MLPH: variants seen among roughly 807,000 people sequenced by gnomAD.
MLPH encodes exophilin-3.
A neutral mutation model predicts 72.1 loss-of-function variants in MLPH; 51 were observed. The observed-to-expected ratio is 0.71, with a 90% CI of 0.56 to 0.89. The LOEUF (loss-of-function observed/expected upper bound fraction) is 0.89. Among genes scored for constraint, MLPH ranks in the 40% least tolerant of loss-of-function variants. The pLI, the probability that MLPH is intolerant of heterozygous loss-of-function variation, is 0.00. For missense variants in MLPH, 743 were observed against 759.9 expected, an observed-to-expected ratio of 0.98 and a Z score of 0.26; for synonymous variants, 301 against 310.1, an observed-to-expected ratio of 0.97 and a Z score of 0.31.
intron 12 of MLPH, chr2:237,545,387 G>C: frequency 1.7e-6 from 2 of 1,201,962 alleles, no homozygotes; most frequent in African/African-American, 1.6e-5. Context: ...TTTCCTCATA[G>C]CCAGTTAGCC....
chr2:237,539,471 C>A (rs183704710), intron 9 of MLPH, among the ~76,000 whole-genome samples: 2 of 152,352 alleles, frequency 1.3e-5, no homozygotes, highest in Non-Finnish European at 1.5e-5. Flanking sequence ...CTTTCAATCT[C>A]ATCGCCTACC....
At position 237,492,010 on chromosome 2, in the gene MLPH, G is replaced by A. The variant is rs184319842; in HGVS notation, c.-24-1393G>A. On this transcript the variant is annotated intron_variant, in intron 1 of 15. Coordinates refer to ENST00000264605, the MANE Select transcript of MLPH (RefSeq NM_024101.7). ...ACAGCATGGGCCAACACGTGCACTC[G>A]AGCTGCCTGGAGATCTTGTTCAAAG... Among the ~76,000 whole-genome samples the A allele has an allele frequency of 2.9e-4, 44 of 152,246 alleles. No homozygotes were observed. In the East Asian group the frequency reaches 7.3e-3, roughly 25 times the overall value.
intron 13 of MLPH, 25 bp downstream of exon 13, chr2:237,546,708 C>T (rs746122259): frequency 3.1e-6 from 5 of 1,599,404 alleles, no homozygotes; most frequent in African/African-American, 1.3e-5. Context: ...ATTCAAGCCC[C>T]AGACACCCGA....
chr2:237,536,657 C>T (rs1056104022), intron 9 of MLPH, among the ~76,000 whole-genome samples: 2 of 152,204 alleles, frequency 1.3e-5, no homozygotes, highest in African/African-American at 2.4e-5. Flanking sequence ...CAGGCCCCTG[C>T]GGAACACTGA....
chr2:237,492,483 A>G (rs1181203722), intron 1 of MLPH, among the ~76,000 whole-genome samples: 1 of 152,004 alleles, frequency 6.6e-6, no homozygotes, highest in Non-Finnish European at 1.5e-5. Context: ...AAAAAAATTA[A>G]GTAAAATTTT....
rs1278859081 is a variant in MLPH, at chr2:237,551,238, G to C, written c.1676-1099G>C. ...TAGGTGATTCCCTCCACAGAGGTTAGTCCTGGAGCGGGGACGGAGGGCCGG... is the reference window on the plus strand; with the variant it reads ...TAGGTGATTCCCTCCACAGAGGTTACTCCTGGAGCGGGGACGGAGGGCCGG... On this transcript the variant is annotated intron_variant, in intron 14 of 15. Transcript: ENST00000264605. 2.6e-5 allele frequency among the ~76,000 whole-genome samples: 4 copies of C among 152,382 alleles called. No homozygotes were observed. In the East Asian group the frequency reaches 5.8e-4, roughly 22 times the overall value.
intron 12 of MLPH, among the ~76,000 whole-genome samples, chr2:237,545,178 G>T (rs1461191272): frequency 6.2e-5 from 3 of 48,728 alleles, no homozygotes; most frequent in South Asian, 1.2e-3. Context: ...GGACAGTGGT[G>T]AGTGGAGGGC....
chr2:237,513,299 G>A (rs528872195), intron 4 of MLPH, among the ~76,000 whole-genome samples: 3 of 152,234 alleles, frequency 2.0e-5, no homozygotes, highest in African/African-American at 7.2e-5. Flanking sequence ...AAGCAGCTTC[G>A]ATGGCCGATG....
intron 2 of MLPH, among the ~76,000 whole-genome samples, chr2:237,495,296 G>A (rs2079512910): frequency 6.6e-6 from 1 of 152,190 alleles, no homozygotes; most frequent in African/African-American, 2.4e-5. Context: ...CATTCCATCG[G>A]CAAAGTCCCT....
chr2:237,507,057 T>C (rs1204055207), intron 2 of MLPH, among the ~76,000 whole-genome samples: 1 of 142,808 alleles, frequency 7.0e-6, no homozygotes, highest in Non-Finnish European at 1.5e-5. Context: ...TTTTCTTTTT[T>C]TTTTCTTTTT....
At chr2:237,529,023 G>A (rs1036968717) in intron 8 of MLPH, among the ~76,000 whole-genome samples, 9 of 152,150 alleles carry the variant, frequency 5.9e-5, no homozygotes, top group Non-Finnish European at 2.9e-5. Context: ...TGTCAGCTAT[G>A]TGAAACGCTT....
intron 2 of MLPH, among the ~76,000 whole-genome samples, chr2:237,493,945 T>C (rs1202869320): frequency 6.6e-6 from 1 of 152,104 alleles, no homozygotes; most frequent in African/African-American, 2.4e-5. Flanking sequence ...CAATGCCAGG[T>C]AGCATCCCGT....
At chr2:237,503,274 G>A (rs901582619) in intron 2 of MLPH, among the ~76,000 whole-genome samples, 1 of 152,186 alleles carries the variant, frequency 6.6e-6, no homozygotes, top group Non-Finnish European at 1.5e-5. Context: ...CCAAGGCAGG[G>A]CCTGGAGGGG....
intron 15 of MLPH, 68 bp downstream of exon 15, chr2:237,552,505 A>G (rs1215081370): frequency 7.4e-7 from 1 of 1,354,458 alleles, no homozygotes; most frequent in African/African-American, 1.4e-5. Flanking sequence ...ATGTATTAAA[A>G]TTAAGTCTTC....
At chr2:237,522,594 C>A (rs1032080850) in intron 6 of MLPH, among the ~76,000 whole-genome samples, 1 of 149,028 alleles carries the variant, frequency 6.7e-6, no homozygotes, top group South Asian at 2.1e-4. Flanking sequence ...AACTATAGTG[C>A]TGGAGTGGAG....
At chr2:237,551,501 G>T (rs576932160) in intron 14 of MLPH, among the ~76,000 whole-genome samples, 18 of 152,360 alleles carry the variant, frequency 1.2e-4, no homozygotes, top group African/African-American at 4.1e-4. Context: ...CTCCAGTCAG[G>T]CAGGCCACAG....
At chr2:237,549,853 G>A (rs369909992) in intron 14 of MLPH, among the ~76,000 whole-genome samples, 3 of 152,154 alleles carry the variant, frequency 2.0e-5, no homozygotes, top group East Asian at 3.8e-4. Flanking sequence ...TGTTGTCCCT[G>A]TCTTCTGAGC....
intron 2 of MLPH, among the ~76,000 whole-genome samples, chr2:237,497,227 C>T (rs1184822305): frequency 1.3e-5 from 2 of 152,228 alleles, no homozygotes; most frequent in Non-Finnish European, 2.9e-5. Context: ...ACCTGCCAAT[C>T]ACCTCCTGCC....
In MLPH at chr2:237,540,893, A is replaced by G. The variant is rs1225319773; in HGVS notation, c.1382A>G (p.Glu461Gly). Residue 461 changes from glutamate (E) to glycine (G), a missense_variant, in exon 11 of 16, where the codon GAG (glutamate) becomes GGG (glycine). Physicochemically the swap from Glu to Gly is moderately conservative, Grantham distance 98 (BLOSUM62 -2). Coordinates refer to ENST00000264605, the MANE Select transcript of MLPH (RefSeq NM_024101.7). ...CAGTACAACAGGACCACAGATGAGG[A>G]GCTGTCAGAGCTGGAGGACAGAGTG... ...PVQYNRTTDE[E>G]LSELEDRVAV... The G allele has an allele frequency of 1.2e-6, 2 of 1,612,500 alleles. No individual in the cohort carries two copies. Among genetic ancestry groups the G allele is most frequent in the Non-Finnish European group, 1.7e-6 (2 of 1,179,566 alleles).
Sources: allele counts gnomAD v4.1 joint callset (sites outside exome capture counted in the v4.1 genomes callset), GRCh38; gene constraint gnomAD v4.1.1; transcripts MANE v1.5; gene names NCBI Gene and HGNC (gene_info 2026-07-23, HGNC 2026-07-21).